The following ELF2 variants were observed in gnomAD, a reference collection of about 807,000 sequenced individuals.
ELF2 encodes the protein ETS-related transcription factor Elf-2.
A neutral mutation model predicts 54.8 loss-of-function variants in ELF2; 11 were observed. The observed-to-expected ratio is 0.20, with a 90% confidence interval of 0.13 to 0.33. The LOEUF is 0.33. ELF2 is among the 10% of genes least tolerant of loss of function. The pLI is 1.00. For synonymous variants in ELF2, 203 were observed against 245.1 expected (o/e 0.83, Z 1.61); for missense variants, 513 against 703.0 (o/e 0.73, Z 3.06).
intron 4 of ELF2, among the ~76,000 whole-genome samples, chr4:139,117,348 G>A (rs539054728): frequency 6.6e-6 from 1 of 152,176 alleles, no homozygotes; most frequent in Non-Finnish European, 1.5e-5. Flanking sequence ...AAGATTAGGG[G>A]TGATGATTTT....
At chr4:139,162,906 G>T (rs1741316957) in intron 1 of ELF2, among the ~76,000 whole-genome samples, 1 of 152,078 alleles carries the variant, frequency 6.6e-6, no homozygotes, top group Non-Finnish European at 1.5e-5. Context: ...AGACCAGCCT[G>T]AGCAACACGG....
chr4:139,155,318 AGAAGAG>A (rs1740416830), intron 1 of ELF2: 2 of 152,342 alleles, frequency 1.3e-5, no homozygotes, highest in South Asian at 4.1e-4. Context: ...AGGTCGCCTA[AGAAGAG>A]GTAAACCAGC....
intron 3 of ELF2, chr4:139,137,286 A>C (rs1191305552): frequency 9.1e-6 from 2 of 219,572 alleles, no homozygotes; most frequent in Non-Finnish European, 1.8e-5. Context: ...AATGAATCTA[A>C]TTTAGGTATT....
chr4:139,102,800 C>A (rs1734035821), intron 4 of ELF2, among the ~76,000 whole-genome samples: 1 of 152,302 alleles, frequency 6.6e-6, no homozygotes, highest in East Asian at 1.9e-4. Flanking sequence ...GAGATCATGC[C>A]ACTGCACTCC....
In ELF2 at chr4:139,088,720, T is replaced by C. The variant is rs529390181; in HGVS notation, c.239-15153A>G. Among the ~76,000 whole-genome samples the C allele has an allele frequency of 9.7e-4, 148 of 152,156 alleles. 1 individual carries two copies. The South Asian group carries it at 0.028, about 28-fold the overall frequency. Reference sequence around the variant, plus strand: ...CTCCAGAATGGTATTATCCCCCCACTAGGGGGATAAAAGTCCCCCACCTAG... The same window carrying C: ...CTCCAGAATGGTATTATCCCCCCACCAGGGGGATAAAAGTCCCCCACCTAG... On this transcript the variant is annotated intron_variant, in intron 4 of 9. Transcript: ENST00000686138.
chr4:139,166,867 C>G (rs1019642954), intron 1 of ELF2, among the ~76,000 whole-genome samples: 4 of 151,806 alleles, frequency 2.6e-5, no homozygotes, highest in Non-Finnish European at 5.9e-5. Flanking sequence ...GACTCCGTCT[C>G]AAAAAAATAA....
rs568895151 is a variant in ELF2 at position 139,115,542 on chromosome 4, G to A, written c.238+9622C>T. 4.0e-5 allele frequency among the ~76,000 whole-genome samples: 6 copies of A among 151,682 alleles called. No individual in the cohort carries two copies. In the East Asian group the frequency reaches 1.2e-3, roughly 29 times the overall value. On this transcript the variant is annotated intron_variant, in intron 4 of 9. Coordinates refer to ENST00000686138, the MANE Select transcript of ELF2 (RefSeq NM_001331036.3). ...CGGGCCTGGCCTGGCCGCGCCCCCT[G>A]ACATGGATTTCTATACCACAACTCA...
At chr4:139,098,515 C>T (rs1292826687) in intron 4 of ELF2, among the ~76,000 whole-genome samples, 1 of 150,638 alleles carries the variant, frequency 6.6e-6, no homozygotes, top group African/African-American at 2.4e-5. Context: ...GTCACCCAGG[C>T]TGGAGTGCAG....
At chr4:139,134,527 TTATTGTATTG>T (rs542901294) in intron 3 of ELF2, among the ~76,000 whole-genome samples, 1,789 of 150,972 alleles carry the variant, frequency 0.012, 21 homozygotes, top group Middle Eastern at 0.021. Flanking sequence ...TGGCTAGTAT[TTATTGTATTG>T]TATTGTATTG....
chr4:139,059,331 C>T lies in ELF2; in HGVS notation c.1434G>A (p.Leu478=), dbSNP rs376710076. ...CAATGTTAATGCTTCCTGATCCAGT[C>T]AGATTTGACTTTGTCTGCAGTTGAC... is the stretch of plus-strand genomic sequence containing the variant. The part of the protein sequence containing the change: ...AQCQLQTKSN[L]TGSGSINIVG... Residue 478 remains leucine (L), a synonymous_variant, in exon 10 of 10, where the codon CTG becomes CTA. Coordinates refer to ENST00000686138, the MANE Select transcript of ELF2 (RefSeq NM_001331036.3). 4.3e-6 allele frequency: 7 copies of T among 1,613,956 alleles called. No individual in the cohort carries two copies. The highest frequency in any genetic ancestry group is 5.9e-6 in the Non-Finnish European group (7 of 1,179,868).
At chr4:139,082,324 T>A (rs1245770505) in intron 4 of ELF2, among the ~76,000 whole-genome samples, 1 of 152,154 alleles carries the variant, frequency 6.6e-6, no homozygotes, top group African/African-American at 2.4e-5. Flanking sequence ...AAGCCAAAAA[T>A]TCCATCCCTT....
At position 139,125,018 on chromosome 4, in the gene ELF2, C is replaced by A. The variant is rs898164239; in HGVS notation, c.238+146G>T. On this transcript the variant is annotated intron_variant, in intron 4 of 9. Coordinates refer to ENST00000686138, the MANE Select transcript of ELF2 (RefSeq NM_001331036.3). ...GAAGTTTTATATCTACACAAATTCC[C>A]TTAAACATAGATGTTTCACTGGTTT... is the stretch of plus-strand genomic sequence containing the variant. 38 of 955,626 alleles carry A rather than the reference C, an allele frequency of 4.0e-5. No homozygotes were observed. The African/African-American group carries it at 5.5e-4, about 14-fold the overall frequency. The allele number at this position is 955,626 out of a possible 1,614,324, so 59.2% of individuals were successfully genotyped here. A position where few individuals can be genotyped will look rare whatever the true frequency, so the allele number is the denominator to read the frequency against.
At chr4:139,073,384 A>G (rs1306958818) in intron 5 of ELF2, 70 bp downstream of exon 5, 2 of 1,114,256 alleles carry the variant, frequency 1.8e-6, no homozygotes, top group Non-Finnish European at 2.5e-6. Context: ...GATTAAAAAA[A>G]CAAAAAACTT....
chr4:139,170,737 A>ATTATG (rs1560894899), intron 1 of ELF2, among the ~76,000 whole-genome samples: 2 of 147,420 alleles, frequency 1.4e-5, no homozygotes, highest in African/African-American at 4.9e-5. Flanking sequence ...ATTATATTAT[A>ATTATG]TTAATTATAT....
rs79505758 is a variant in ELF2, at chr4:139,140,882, A to G, written c.-251-1385T>C. 1.4e-3 allele frequency among the ~76,000 whole-genome samples: 210 copies of G among 151,962 alleles called. 2 individuals are homozygous for G. The highest frequency in any genetic ancestry group is 3.5e-3 in the African/African-American group (147 of 41,458). ...TTTTATATTTTATACTCTTGTCTCC[A>G]CTTTCTAATTTCTCAAGCACTCCTC... On this transcript the variant is annotated intron_variant, in intron 1 of 9. Coordinates refer to ENST00000686138, the MANE Select transcript of ELF2 (RefSeq NM_001331036.3).
chr4:139,126,402 A>G (rs1174010139), intron 3 of ELF2, among the ~76,000 whole-genome samples: 1 of 152,142 alleles, frequency 6.6e-6, no homozygotes, highest in Non-Finnish European at 1.5e-5. Flanking sequence ...TTTGGAAAGA[A>G]ATCAACAAGA....
rs183791459 is a variant in ELF2 at position 139,151,762 on chromosome 4, C to A, written c.-251-12265G>T. Among the ~76,000 whole-genome samples, 372 of 152,232 alleles carry A rather than the reference C, an allele frequency of 2.4e-3. 1 individual carries two copies. The highest frequency in any genetic ancestry group is 7.8e-3 in the African/African-American group (326 of 41,570). ...AAACTGATCACGTGAATAGGTTCTT[C>A]AAAGTTTGTCATGAAAACTGAATAG... On this transcript the variant is annotated intron_variant, in intron 1 of 9. Transcript: ENST00000686138.
intron 6 of ELF2, among the ~76,000 whole-genome samples, chr4:139,070,877 A>G (rs533037984): frequency 2.0e-5 from 3 of 152,336 alleles, no homozygotes; most frequent in East Asian, 3.8e-4. Flanking sequence ...CTGAAACACT[A>G]TATTTAATGA....
At chr4:139,140,207 A>G (rs907770368) in intron 1 of ELF2, among the ~76,000 whole-genome samples, 1 of 152,172 alleles carries the variant, frequency 6.6e-6, no homozygotes, top group Non-Finnish European at 1.5e-5. Flanking sequence ...CTCCTGAGTC[A>G]CTATTAGACA....
Sources: gnomAD v4.1 joint callset for allele counts (sites outside exome capture counted in the v4.1 genomes callset) on GRCh38, gnomAD v4.1.1 for gene constraint, MANE v1.5 for transcripts, NCBI Gene and HGNC (gene_info 2026-07-23, HGNC 2026-07-21) for gene names.